Variants in CEP290 observed in about 807,000 individuals in gnomAD.
CEP290 encodes centrosomal protein of 290 kDa.
A neutral mutation model predicts 344.9 loss-of-function variants in CEP290; 317 were observed. The ratio of observed to expected loss-of-function variants is 0.92; its 90% CI spans 0.84 to 1.01. CEP290 has a LOEUF of 1.01. Ranked by LOEUF, CEP290 falls within the 50% of genes least tolerant of loss-of-function variation. CEP290 has a pLI of 0.00. For missense variants in CEP290, 2,754 were observed against 2,761.4 expected (o/e 1.00, Z 0.06); for synonymous variants, 932 against 895.8 (o/e 1.04, Z -0.72).
intron 3 of CEP290, among the ~76,000 whole-genome samples, chr12:88,140,341 T>C (rs541139505): frequency 1.9e-4 from 29 of 152,316 alleles, no homozygotes; most frequent in African/African-American, 6.7e-4. Context: ...TACCTATCAA[T>C]TGTGTTTCGA....
At chr12:88,135,317 G>C (rs2040295939) in intron 6 of CEP290, among the ~76,000 whole-genome samples, 2 of 152,130 alleles carry the variant, frequency 1.3e-5, no homozygotes, top group South Asian at 4.1e-4. Context: ...AATAGTCTAA[G>C]ATATAAATGG....
At chr12:88,076,040 A>G (rs536175307) in intron 41 of CEP290, among the ~76,000 whole-genome samples, 1 of 152,342 alleles carries the variant, frequency 6.6e-6, no homozygotes, top group East Asian at 1.9e-4. Flanking sequence ...ACATTCTGAT[A>G]GGAATCAGGT....
At chr12:88,126,039 G>T (rs2138015557) in intron 12 of CEP290, among the ~76,000 whole-genome samples, 1 of 152,032 alleles carries the variant, frequency 6.6e-6, no homozygotes, top group African/African-American at 2.4e-5. Flanking sequence ...ATCATTTCTT[G>T]TTAAATAATT....
At chr12:88,117,931 G>A (rs2039154256) in intron 17 of CEP290, among the ~76,000 whole-genome samples, 1 of 151,998 alleles carries the variant, frequency 6.6e-6, no homozygotes, top group Admixed American at 6.6e-5. Context: ...AACTACTCAG[G>A]AGGCTGAAGC....
intron 2 of CEP290, 40 bp from the exon 3 acceptor site, chr12:88,141,073 C>G: frequency 6.8e-7 from 1 of 1,463,756 alleles, no homozygotes; most frequent in Non-Finnish European, 9.2e-7. Flanking sequence ...ATTTTATAAC[C>G]TTCAAGCAAA....
In CEP290 at chr12:88,141,327, C is replaced by T. The variant is rs532238968; in HGVS notation, c.-20G>A. On this transcript the variant is annotated 5_prime_UTR_variant, in exon 2 of 54. Coordinates refer to ENST00000552810, the MANE Select transcript of CEP290 (RefSeq NM_025114.4). ...TGGCATCTTGAATTCTTTCACTGTGCTCCACCTCTGTAACAAAACAGGTGT... is the reference window on the plus strand; with the variant it reads ...TGGCATCTTGAATTCTTTCACTGTGTTCCACCTCTGTAACAAAACAGGTGT... The T allele has an allele frequency of 1.8e-5, 28 of 1,531,452 alleles. No individual in the cohort carries two copies. The East Asian group carries it at 5.0e-4, about 28-fold the overall frequency. The allele number at this position is 1,531,452 out of a possible 1,614,324, so 94.9% of individuals were successfully genotyped here. A position where few individuals can be genotyped will look rare whatever the true frequency, so the allele number is the denominator to read the frequency against.
Position 88,103,238 on chromosome 12 carries a change from TC to T in CEP290, c.2818-228del, listed in dbSNP as rs376783630. ...AATAAAAATAAAATACTTTAATAACTCCTGTCATTGTAAAATAAAACTCAAT... is the reference window on the plus strand; with the variant it reads ...AATAAAAATAAAATACTTTAATAACTCTGTCATTGTAAAATAAAACTCAAT... On this transcript the variant is annotated intron_variant, in intron 25 of 53. Coordinates refer to ENST00000552810, the MANE Select transcript of CEP290 (RefSeq NM_025114.4). The T allele has an allele frequency of 2.5e-3, 674 of 273,758 alleles. 15 individuals carry two copies. The East Asian group carries it at 0.042, about 17-fold the overall frequency. 17.0% of individuals were successfully genotyped at this position (273,758 alleles called of 1,614,324 possible). A position where few individuals can be genotyped will look rare whatever the true frequency, so the allele number is the denominator to read the frequency against.
At chr12:88,057,621 G>C (rs534646606) in intron 49 of CEP290, among the ~76,000 whole-genome samples, 2 of 151,236 alleles carry the variant, frequency 1.3e-5, no homozygotes, top group South Asian at 4.2e-4. Context: ...GGAAAAGTGA[G>C]AGCTAGAGTG....
At chr12:88,071,683 AC>A in intron 42 of CEP290, 97 bp downstream of exon 42, 1 of 985,692 alleles carries the variant, frequency 1.0e-6, no homozygotes, top group Non-Finnish European at 1.5e-6. Flanking sequence ...TTTAAACTAG[AC>A]CATTTCTCAT....
At chr12:88,126,175 G>C in intron 12 of CEP290, 141 bp downstream of exon 12, 1 of 582,424 alleles carries the variant, frequency 1.7e-6, no homozygotes, top group Non-Finnish European at 2.6e-6. Flanking sequence ...GGTGGTAGAA[G>C]AAATTTCAAA....
At position 88,136,761 on chromosome 12, in the gene CEP290, C is replaced by T. The variant is rs758781417; in HGVS notation, c.323G>A (p.Arg108Gln). The T allele has an allele frequency of 3.1e-6, 5 of 1,613,490 alleles. No individual in the cohort carries two copies. Among genetic ancestry groups the T allele is most frequent in the African/African-American group, 2.7e-5 (2 of 74,886 alleles). ...LEMAQQSAGG[R>Q]DTRFLRNEIC... ...TTCATTACGTAAAAACCGAGTATCT[C>T]GTCCACCTGCAGACTGCTGAGCCAT... The change falls in exon 6 of 54, where the codon CGA becomes CAA. Residue 108 changes from arginine to glutamine, a missense_variant. Arg to Gln is a conservative substitution (Grantham distance 43). Transcript: ENST00000552810.
At chr12:88,102,698 A>G in intron 26 of CEP290, 140 bp downstream of exon 26, 1 of 619,276 alleles carries the variant, frequency 1.6e-6, no homozygotes, top group South Asian at 2.2e-5. Flanking sequence ...AACTGAATGA[A>G]TAATATGGAT....
At position 88,136,699 on chromosome 12, in the gene CEP290, T is replaced by C. The variant is rs2138214415; in HGVS notation, c.385A>G (p.Arg129Gly). ...QLEKQLEQKD[R>G]ELEDMEKELE... ...TCCTTTTCCATGTCCTCCAATTCTC[T>C]ATCTTTTTGTTCTAATTGTTTTTCA... is the stretch of plus-strand genomic sequence containing the variant. The change falls in exon 6 of 54, where the codon AGA becomes GGA. Residue 129 changes from arginine (R) to glycine (G), a missense_variant. Transcript: ENST00000552810. 1.9e-6 allele frequency: 3 copies of C among 1,613,250 alleles called. No individual in the cohort carries two copies. Among genetic ancestry groups the C allele is most frequent in the Admixed American group, 1.7e-5 (1 of 60,012 alleles).
Position 88,089,040 on chromosome 12 carries a change from C to T in CEP290, c.4021G>A (p.Ala1341Thr), listed in dbSNP as rs751141164. The T allele has an allele frequency of 1.3e-6, 2 of 1,488,136 alleles. No homozygotes were observed. Among genetic ancestry groups the T allele is most frequent in the East Asian group, 2.3e-5 (1 of 43,048 alleles). 92.2% of individuals were successfully genotyped at this position (1,488,136 alleles called of 1,614,324 possible). ...LISTLKDTKG[A>T]QKVINWHMKI... ...CAAGTTTAAATGTTTACCTTTTGGGCTCCTTTGGTATCCTTTAAAGTGCTT... is the reference window on the plus strand; with the variant it reads ...CAAGTTTAAATGTTTACCTTTTGGGTTCCTTTGGTATCCTTTAAAGTGCTT... Residue 1341 changes from alanine to threonine, a missense_variant, in exon 31 of 54, where the codon GCC becomes ACC. Physicochemically the swap from Ala to Thr is moderately conservative, Grantham distance 58. Transcript: ENST00000552810.
At chr12:88,128,123 G>A (rs1198882498) in intron 11 of CEP290, among the ~76,000 whole-genome samples, 2 of 152,134 alleles carry the variant, frequency 1.3e-5, no homozygotes, top group African/African-American at 4.8e-5. Flanking sequence ...GTCAATGGCT[G>A]CTTTCATGCT....
At chr12:88,055,834 T>C (rs1483810792) in intron 49 of CEP290, 117 bp from the exon 50 acceptor site, 1 of 758,584 alleles carries the variant, frequency 1.3e-6, no homozygotes, top group African/African-American at 1.9e-5. Flanking sequence ...TACTGTTTCT[T>C]CTAGTCAAAG....
rs764153212 is a variant in CEP290, at chr12:88,053,757, A to G, written c.7035-11T>C. On this transcript the variant is annotated splice_polypyrimidine_tract_variant and intron_variant, in intron 51 of 53. Coordinates refer to ENST00000552810, the MANE Select transcript of CEP290 (RefSeq NM_025114.4). ...TGATGATTAGCTAATCTAGAACACA[A>G]TGATAATGTGTTAAAAAAATAAAGC... 4 of 1,344,368 alleles carry G rather than the reference A, an allele frequency of 3.0e-6. No homozygotes were observed. The highest frequency in any genetic ancestry group is 4.1e-6 in the Non-Finnish European group (4 of 976,456). The allele number at this position is 1,344,368 out of a possible 1,614,324, so 83.3% of individuals were successfully genotyped here.
chr12:88,136,530 T>G (rs2040361608), intron 6 of CEP290, 113 bp downstream of exon 6: 1 of 1,036,182 alleles, frequency 9.7e-7, no homozygotes, highest in East Asian at 2.5e-5. Context: ...GAGATAAGTG[T>G]ACATCATTTT....
intron 49 of CEP290, 25 bp from the exon 50 acceptor site, chr12:88,055,742 T>C (rs572279480): frequency 2.1e-6 from 3 of 1,406,080 alleles, no homozygotes; most frequent in African/African-American, 1.5e-5. Context: ...AAAAAAAGTA[T>C]AGACATGGCA....
Sources: allele counts gnomAD v4.1 joint callset (sites outside exome capture counted in the v4.1 genomes callset), GRCh38; gene constraint gnomAD v4.1.1; transcripts MANE v1.5; gene names NCBI Gene and HGNC (gene_info 2026-07-23, HGNC 2026-07-21).